The following NKAIN1 variants were observed in gnomAD, a reference collection of about 807,000 sequenced individuals.
NKAIN1 encodes sodium/potassium-transporting ATPase subunit beta-1-interacting protein 1.
Under a neutral mutation model 31.6 loss-of-function variants are expected in NKAIN1, and 13 were observed. That is an observed-to-expected ratio of 0.41 (90% CI 0.27 to 0.65). The LOEUF is 0.65. Ranked by LOEUF, NKAIN1 falls within the 30% of genes least tolerant of loss-of-function variation. The pLI is 0.30. For missense variants in NKAIN1, 193 were observed against 262.2 expected, an observed-to-expected ratio of 0.74 and a Z score of 1.82; for synonymous variants, 104 against 109.0, an observed-to-expected ratio of 0.95 and a Z score of 0.28.
At chr1:31,191,459 T>G (rs994232660) in intron 1 of NKAIN1, among the ~76,000 whole-genome samples, 2 of 149,784 alleles carry the variant, frequency 1.3e-5, no homozygotes, top group Non-Finnish European at 3.0e-5. Flanking sequence ...AAACTCAGAT[T>G]CAAATTCCAG....
intron 2 of NKAIN1, among the ~76,000 whole-genome samples, chr1:31,186,394 GTTTTTTTTT>G (rs11303246): frequency 2.1e-5 from 2 of 97,300 alleles, no homozygotes; most frequent in Non-Finnish European, 1.9e-5. Flanking sequence ...ATTCTTTTGT[GTTTTTTTTT>G]TTTTTTTTTT....
intron 2 of NKAIN1, 74 bp downstream of exon 2, chr1:31,187,976 G>A (rs1645257706): frequency 6.8e-7 from 1 of 1,469,856 alleles, no homozygotes; most frequent in South Asian, 1.4e-5. Context: ...TTCTGGTTTT[G>A]AGGAGCAGGG....
At chr1:31,205,613 GTTTTTTTT>G (rs761138403) in intron 1 of NKAIN1, among the ~76,000 whole-genome samples, 1 of 96,524 alleles carries the variant, frequency 1.0e-5, no homozygotes, top group African/African-American at 4.1e-5. Flanking sequence ...AGCCGGACAA[GTTTTTTTT>G]TTTTTTTTTT....
At chr1:31,236,899 A>G (rs192625468) in intron 1 of NKAIN1, among the ~76,000 whole-genome samples, 2 of 152,310 alleles carry the variant, frequency 1.3e-5, no homozygotes, top group East Asian at 1.9e-4. Flanking sequence ...TACCAGGGCC[A>G]GAACTACTTA....
chr1:31,216,154 CG>C (rs1209922930), intron 1 of NKAIN1, among the ~76,000 whole-genome samples: 1 of 151,398 alleles, frequency 6.6e-6, no homozygotes, highest in Non-Finnish European at 1.5e-5. Context: ...CAGAGGAGCA[CG>C]GGGGAACGGA....
chr1:31,234,206 GGCCT>G (rs1380456951), intron 1 of NKAIN1, among the ~76,000 whole-genome samples: 4 of 152,150 alleles, frequency 2.6e-5, no homozygotes, highest in African/African-American at 9.7e-5. Flanking sequence ...AGGGGCCAGT[GGCCT>G]GCATAATTTC....
intron 1 of NKAIN1, among the ~76,000 whole-genome samples, chr1:31,216,695 T>TC (rs60673406): frequency 0.023 from 3,287 of 145,698 alleles, 134 homozygotes; most frequent in African/African-American, 0.079. Flanking sequence ...TTGACTTTTA[T>TC]TTATTTATTT....
chr1:31,201,397 C>A (rs1323297982), intron 1 of NKAIN1, among the ~76,000 whole-genome samples: 1 of 141,400 alleles, frequency 7.1e-6, no homozygotes, highest in African/African-American at 2.6e-5. Context: ...CTCTCTCTGT[C>A]GCCGAGGCTG....
intron 1 of NKAIN1, among the ~76,000 whole-genome samples, chr1:31,221,063 C>A (rs139922604): frequency 6.2e-4 from 94 of 152,224 alleles, no homozygotes; most frequent in African/African-American, 2.2e-3. Context: ...AGGAAGAAGT[C>A]AGTGTGGTGA....
At chr1:31,191,071 A>G (rs1055253404) in intron 1 of NKAIN1, among the ~76,000 whole-genome samples, 1 of 152,174 alleles carries the variant, frequency 6.6e-6, no homozygotes, top group African/African-American at 2.4e-5. Context: ...TCGGCGGACC[A>G]CTTGAGGTCA....
chr1:31,205,751 T>C (rs1247317511), intron 1 of NKAIN1, among the ~76,000 whole-genome samples: 3 of 150,878 alleles, frequency 2.0e-5, no homozygotes, highest in Non-Finnish European at 2.9e-5. Context: ...ACTTCCCAAG[T>C]AGCTGGGATT....
Position 31,239,788 on chromosome 1 carries a change from C to T in NKAIN1, c.-241G>A, listed in dbSNP as rs1645721222. Among the ~76,000 whole-genome samples the T allele has an allele frequency of 6.6e-6, 1 of 151,684 alleles. No individual in the cohort carries two copies. Among genetic ancestry groups the T allele is most frequent in the Non-Finnish European group, 1.5e-5 (1 of 67,866 alleles). On this transcript the variant is annotated 5_prime_UTR_variant, in exon 1 of 7. Coordinates refer to ENST00000373736, the MANE Select transcript of NKAIN1 (RefSeq NM_024522.3). The surrounding 1 kb of genome is among the most constrained non-coding windows in gnomAD (Gnocchi z 4.8). ...GCCGAGCCGCGCCTCCTTTGTCTAG[C>T]GGGCCGTCCGTCAGGCGCGCCTCCT...
intron 1 of NKAIN1, among the ~76,000 whole-genome samples, chr1:31,189,595 G>A (rs573370279): frequency 3.3e-5 from 5 of 152,180 alleles, no homozygotes; most frequent in Non-Finnish European, 7.3e-5. Context: ...GGGATTATAG[G>A]CGTGAGCCAC....
At chr1:31,189,603 C>T (rs1016361697) in intron 1 of NKAIN1, among the ~76,000 whole-genome samples, 2 of 152,220 alleles carry the variant, frequency 1.3e-5, no homozygotes, top group African/African-American at 4.8e-5. Flanking sequence ...AGGCGTGAGC[C>T]ACTGCGCCCA....
intron 1 of NKAIN1, among the ~76,000 whole-genome samples, chr1:31,201,551 C>T (rs576754652): frequency 2.0e-5 from 3 of 151,750 alleles, no homozygotes; most frequent in South Asian, 2.1e-4. Context: ...TTAATAGAGA[C>T]AGGGTTTCAC....
At chr1:31,194,521 C>T (rs1431422780) in intron 1 of NKAIN1, among the ~76,000 whole-genome samples, 1 of 150,648 alleles carries the variant, frequency 6.6e-6, no homozygotes, top group Non-Finnish European at 1.5e-5. Flanking sequence ...ATTCTCCTGC[C>T]TCAGCCTCCC....
chr1:31,231,268 C>A (rs191939995), intron 1 of NKAIN1, among the ~76,000 whole-genome samples: 104 of 151,844 alleles, frequency 6.8e-4, no homozygotes, highest in African/African-American at 2.3e-3. Flanking sequence ...TCCTATCTAA[C>A]CATGTTTTTA....
At chr1:31,220,989 A>G (rs570110553) in intron 1 of NKAIN1, among the ~76,000 whole-genome samples, 52 of 152,248 alleles carry the variant, frequency 3.4e-4, no homozygotes, top group Non-Finnish European at 7.1e-4. Flanking sequence ...GTGGAAATAG[A>G]GCAGAATTAC....
intron 1 of NKAIN1, among the ~76,000 whole-genome samples, chr1:31,234,566 T>C (rs1210614672): frequency 1.3e-5 from 2 of 151,772 alleles, no homozygotes; most frequent in African/African-American, 4.8e-5. Context: ...TTTCTACAAC[T>C]CTGTGGGCTA....
Sources: allele counts gnomAD v4.1 joint callset (sites outside exome capture counted in the v4.1 genomes callset), GRCh38; gene constraint gnomAD v4.1.1; non-coding constraint Gnocchi (gnomAD v3.1); transcripts MANE v1.5; gene names NCBI Gene and HGNC (gene_info 2026-07-23, HGNC 2026-07-21).